Variants in AJAP1 observed in about 807,000 individuals in gnomAD.
AJAP1 encodes the protein adherens junctions associated protein 1.
Under a neutral mutation model 35.0 loss-of-function variants are expected in AJAP1, and 5 were observed. The observed-to-expected ratio is 0.14, with a 90% confidence interval of 0.07 to 0.30. The LOEUF (loss-of-function observed/expected upper bound fraction) is 0.30. Ranked by LOEUF, AJAP1 falls within the 10% of genes least tolerant of loss-of-function variation. The probability of loss-of-function intolerance (pLI) is 1.00; values close to 1 mark genes in which losing one functional copy is unlikely to be tolerated. For synonymous variants in AJAP1, 284 were observed against 249.3 expected (o/e 1.14, Z -1.31); for missense variants, 586 against 571.0 (o/e 1.03, Z -0.27).
rs1570118350 is a variant in AJAP1 at position 4,692,532 on chromosome 1, A to G, written c.30-19368A>G. Among the ~76,000 whole-genome samples, 1 of 152,194 alleles carries G rather than the reference A, an allele frequency of 6.6e-6. No homozygotes were observed. Among genetic ancestry groups the G allele is most frequent in the African/African-American group, 2.4e-5 (1 of 41,452 alleles). ...CATCCGGGAGGAACTTCCTGGGAAA[A>G]GAGAAAAATAGCTCAGCCCCAGCCT... On this transcript the variant is annotated intron_variant, in intron 1 of 5. Coordinates refer to ENST00000378191, the MANE Select transcript of AJAP1 (RefSeq NM_018836.4). The surrounding 1 kb of genome is among the most constrained non-coding windows in gnomAD (Gnocchi z 4.4).
At chr1:4,747,427 C>T (rs1012115832) in intron 2 of AJAP1, among the ~76,000 whole-genome samples, 1 of 152,186 alleles carries the variant, frequency 6.6e-6, no homozygotes, top group Non-Finnish European at 1.5e-5. Context: ...TGGCCAGGGC[C>T]TCCTCCTCCT....
chr1:4,699,787 C>T (rs1414713043), intron 1 of AJAP1, among the ~76,000 whole-genome samples: 1 of 152,184 alleles, frequency 6.6e-6, no homozygotes, highest in Non-Finnish European at 1.5e-5. Flanking sequence ...GACACAGCTA[C>T]TATTTCTGTG....
In AJAP1 at chr1:4,782,002, A is replaced by C. The variant is rs1642073844; in HGVS notation, c.*60-543A>C. Among the ~76,000 whole-genome samples, 1 of 152,096 alleles carries C rather than the reference A, an allele frequency of 6.6e-6. No individual in the cohort carries two copies. The highest frequency in any genetic ancestry group is 2.4e-5 in the African/African-American group (1 of 41,498). ...ACCTCTGGGGAGATGTGGGAGGTGG[A>C]TTTTCTGATGCAGTCCATTTATCTC... On this transcript the variant is annotated intron_variant, in intron 5 of 5. Coordinates refer to ENST00000378191, the MANE Select transcript of AJAP1 (RefSeq NM_018836.4). This position sits in a 1 kb window ranked among gnomAD's most constrained non-coding sequence, Gnocchi z 5.3.
At chr1:4,688,180 G>A (rs1319947869) in intron 1 of AJAP1, among the ~76,000 whole-genome samples, 4 of 152,174 alleles carry the variant, frequency 2.6e-5, no homozygotes, top group African/African-American at 4.8e-5. Context: ...GGAGCGCCCC[G>A]TAGTCTTGGG....
At chr1:4,750,358 G>T (rs1219605281) in intron 2 of AJAP1, among the ~76,000 whole-genome samples, 2 of 152,222 alleles carry the variant, frequency 1.3e-5, no homozygotes, top group Non-Finnish European at 2.9e-5. Flanking sequence ...CACTGCTCTG[G>T]AGACCTGTAT....
chr1:4,771,260 G>A (rs396112), intron 3 of AJAP1, among the ~76,000 whole-genome samples: 91,085 of 152,064 alleles, frequency 0.6, 28,188 homozygotes, highest in Middle Eastern at 0.68. Flanking sequence ...TGCCCCCTGC[G>A]TTTGGCATTC....
chr1:4,754,860 C>A (rs1259316615), intron 2 of AJAP1, among the ~76,000 whole-genome samples: 2 of 141,128 alleles, frequency 1.4e-5, no homozygotes, highest in African/African-American at 5.1e-5. Flanking sequence ...GCTCTCCCCT[C>A]ATCTCAACCT....
chr1:4,755,865 G>C lies in AJAP1; in HGVS notation c.830-13988G>C, dbSNP rs188313794. Reference sequence around the variant, plus strand: ...AGGAGGAAACACTGGAGTAAGGGGGGTTCTGGCTGTTAAACCCACCTAACA... The same window carrying C: ...AGGAGGAAACACTGGAGTAAGGGGGCTTCTGGCTGTTAAACCCACCTAACA... On this transcript the variant is annotated intron_variant, in intron 2 of 5. Transcript: ENST00000378191. Among the ~76,000 whole-genome samples, 1,500 of 152,122 alleles carry C rather than the reference G, an allele frequency of 9.9e-3. 10 individuals are homozygous for C. Among genetic ancestry groups the C allele is most frequent in the Non-Finnish European group, 0.015 (994 of 67,984 alleles).
chr1:4,689,704 G>A (rs1639695124), intron 1 of AJAP1, among the ~76,000 whole-genome samples: 4 of 152,212 alleles, frequency 2.6e-5, no homozygotes, highest in African/African-American at 9.6e-5. Context: ...GGAGTCATGA[G>A]CATCCGGCAT....
In AJAP1 at chr1:4,787,968, G is replaced by T. The variant is rs910407030; in HGVS notation, c.*5483G>T. The T allele has an allele frequency of 3.1e-6, 1 of 325,582 alleles. No homozygotes were observed. Among genetic ancestry groups the T allele is most frequent in the African/African-American group, 2.2e-5 (1 of 45,710 alleles). 20.2% of individuals were successfully genotyped at this position (325,582 alleles called of 1,614,324 possible). On this transcript the variant is annotated 3_prime_UTR_variant, in exon 6 of 6. Transcript: ENST00000378191. ...ATTTTTGAGTGGTTACTTTGGTGCA[G>T]TTTGTCAATTTGCTCTACCATACTG... is the stretch of plus-strand genomic sequence containing the variant.
intron 2 of AJAP1, among the ~76,000 whole-genome samples, chr1:4,768,255 C>T (rs1031604529): frequency 3.9e-5 from 6 of 152,348 alleles, no homozygotes; most frequent in Middle Eastern, 6.8e-3. Context: ...CAAACAGTTC[C>T]TGAATCAGTG....
rs529822083 is a variant in AJAP1, at chr1:4,734,022, A to G, written c.829+21323A>G. 3.3e-5 allele frequency among the ~76,000 whole-genome samples: 5 copies of G among 152,346 alleles called. No homozygotes were observed. Among genetic ancestry groups the G allele is most frequent in the South Asian group, 2.1e-4 (1 of 4,830 alleles). On this transcript the variant is annotated intron_variant, in intron 2 of 5. Transcript: ENST00000378191. The surrounding 1 kb of genome is among the most constrained non-coding windows in gnomAD (Gnocchi z 4.3). ...GAGCAGGGCCCTTGCCGGAGCTCCA[A>G]TTAGCGGCTTTTGTAAGCGATCACG...
intron 1 of AJAP1, among the ~76,000 whole-genome samples, chr1:4,711,652 C>A (rs1640238636): frequency 6.6e-6 from 1 of 152,324 alleles, no homozygotes; most frequent in South Asian, 2.1e-4. Flanking sequence ...GCCTGGCAGG[C>A]GCCTCAGCCC....
chr1:4,712,774 G>T (rs1640295008), intron 2 of AJAP1, 75 bp downstream of exon 2: 2 of 1,413,846 alleles, frequency 1.4e-6, no homozygotes, highest in East Asian at 2.4e-5. Context: ...GAGATGCTTA[G>T]ATGTCCCTGG....
In AJAP1 at chr1:4,693,813, C is replaced by T. The variant is rs978184813; in HGVS notation, c.30-18087C>T. On this transcript the variant is annotated intron_variant, in intron 1 of 5. Transcript: ENST00000378191. The surrounding 1 kb of genome is among the most constrained non-coding windows in gnomAD (Gnocchi z 4.4). Reference sequence around the variant, plus strand: ...ATGGAGGGGAGGAAGGGGCCAAACGCGTCCTTTTATCAGGAACCCACTTGG... The same window carrying T: ...ATGGAGGGGAGGAAGGGGCCAAACGTGTCCTTTTATCAGGAACCCACTTGG... 3.9e-5 allele frequency among the ~76,000 whole-genome samples: 6 copies of T among 152,160 alleles called. No individual in the cohort carries two copies. Among genetic ancestry groups the T allele is most frequent in the Non-Finnish European group, 5.9e-5 (4 of 68,028 alleles).
At chr1:4,769,504 C>T (rs1641783264) in intron 2 of AJAP1, among the ~76,000 whole-genome samples, 1 of 152,160 alleles carries the variant, frequency 6.6e-6, no homozygotes, top group Non-Finnish European at 1.5e-5. Flanking sequence ...CAGAGCTGAC[C>T]TGCCGCCAGG....
At chr1:4,663,288 G>A (rs1451097321) in intron 1 of AJAP1, among the ~76,000 whole-genome samples, 1 of 152,014 alleles carries the variant, frequency 6.6e-6, no homozygotes, top group Non-Finnish European at 1.5e-5. Context: ...CAGGCATCAT[G>A]TTTGATGGAT....
At chr1:4,758,213 G>A (rs972593720) in intron 2 of AJAP1, among the ~76,000 whole-genome samples, 3 of 152,078 alleles carry the variant, frequency 2.0e-5, no homozygotes, top group Non-Finnish European at 2.9e-5. Context: ...TATCAGTGAT[G>A]TGAGAACAGA....
At position 4,787,470 on chromosome 1, in the gene AJAP1, G is replaced by A; in HGVS notation, c.*4985G>A. On this transcript the variant is annotated 3_prime_UTR_variant, in exon 6 of 6. Transcript: ENST00000378191. ...CTTGAGGGTTGGTCTGGTGTTGGAT[G>A]GAGGAAGAAGGCCTTAGTCTTAGCT... is the stretch of plus-strand genomic sequence containing the variant. The A allele has an allele frequency of 3.3e-6, 1 of 298,768 alleles. No individual in the cohort carries two copies. The highest frequency in any genetic ancestry group is 2.5e-5 in the South Asian group (1 of 39,286). The allele number at this position is 298,768 out of a possible 1,614,324, so 18.5% of individuals were successfully genotyped here.
Sources: allele counts gnomAD v4.1 joint callset (sites outside exome capture counted in the v4.1 genomes callset), GRCh38; gene constraint gnomAD v4.1.1; non-coding constraint Gnocchi (gnomAD v3.1); transcripts MANE v1.5; gene names NCBI Gene and HGNC (gene_info 2026-07-23, HGNC 2026-07-21).